SDCBP: variants seen among roughly 807,000 people sequenced by gnomAD.
SDCBP encodes syndecan binding protein, also known as syntenin-1.
Under a neutral mutation model 30.5 loss-of-function variants are expected in SDCBP, and 22 were observed. The observed-to-expected ratio is 0.72, with a 90% CI of 0.52 to 1.03. SDCBP has a LOEUF of 1.03. Among genes scored for constraint, SDCBP ranks in the 50% least tolerant of loss-of-function variants. The pLI is 0.00. For synonymous variants in SDCBP, 103 were observed against 118.7 expected, an observed-to-expected ratio of 0.87 and a Z score of 0.86; for missense variants, 304 against 369.9, an observed-to-expected ratio of 0.82 and a Z score of 1.46.
At chr8:58,557,296 AT>A (rs1804186487) in intron 1 of SDCBP, among the ~76,000 whole-genome samples, 1 of 131,994 alleles carries the variant, frequency 7.6e-6, no homozygotes, top group South Asian at 2.3e-4. Flanking sequence ...ATATTTAGAT[AT>A]TTATATTTAA....
At chr8:58,561,798 G>C in intron 1 of SDCBP, 1 of 688,744 alleles carries the variant, frequency 1.5e-6, no homozygotes, top group Non-Finnish European at 2.6e-6. Context: ...TAATGGTGGT[G>C]AGTAAATCAC....
At chr8:58,562,811 CAAG>C (rs1425814186) in intron 1 of SDCBP, among the ~76,000 whole-genome samples, 1 of 151,862 alleles carries the variant, frequency 6.6e-6, no homozygotes, top group East Asian at 1.9e-4. Context: ...CATAAGCAAC[CAAG>C]AAGAAATATA....
chr8:58,579,314 C>A (rs1216724726), intron 6 of SDCBP, among the ~76,000 whole-genome samples: 3 of 152,106 alleles, frequency 2.0e-5, no homozygotes, highest in African/African-American at 7.2e-5. Context: ...AAGCCTATGT[C>A]ATTCTTAATG....
intron 2 of SDCBP, among the ~76,000 whole-genome samples, chr8:58,566,485 A>G (rs1804712192): frequency 6.6e-6 from 1 of 152,226 alleles, no homozygotes; most frequent in Non-Finnish European, 1.5e-5. Flanking sequence ...AATCTGTATC[A>G]TGCTGCCCTC....
At position 58,579,718 on chromosome 8, in the gene SDCBP, G is replaced by T. The variant is rs113820935; in HGVS notation, c.674G>T (p.Ser225Ile). The T allele has an allele frequency of 1.2e-6, 2 of 1,612,876 alleles. No homozygotes were observed. Among genetic ancestry groups the T allele is most frequent in the Non-Finnish European group, 1.7e-6 (2 of 1,179,482 alleles). Residue 225 changes from serine to isoleucine, a missense_variant, in exon 7 of 9, where the codon AGC (serine) becomes ATC (isoleucine). Physicochemically the swap from Ser to Ile is moderately radical, Grantham distance 142. Coordinates refer to ENST00000260130, the MANE Select transcript of SDCBP (RefSeq NM_005625.4). ...AAAATAACATCCATAGTGAAAGATAGCTCTGCAGCCAGAAATGGTCTTCTC... is the reference window on the plus strand; with the variant it reads ...AAAATAACATCCATAGTGAAAGATATCTCTGCAGCCAGAAATGGTCTTCTC... ...NGKITSIVKD[S>I]SAARNGLLTE...
intron 1 of SDCBP, among the ~76,000 whole-genome samples, chr8:58,556,671 G>A (rs547016055): frequency 1.1e-4 from 16 of 151,678 alleles, no homozygotes; most frequent in Non-Finnish European, 2.1e-4. Flanking sequence ...TCCAGAGAGC[G>A]AATAAACTAG....
At chr8:58,572,587 T>C (rs984428079) in intron 4 of SDCBP, among the ~76,000 whole-genome samples, 1 of 152,142 alleles carries the variant, frequency 6.6e-6, no homozygotes, top group Non-Finnish European at 1.5e-5. Flanking sequence ...GTCCTATTGA[T>C]TCTGTTTCTG....
chr8:58,579,557 T>C (rs1805555200), intron 6 of SDCBP, 66 bp from the exon 7 acceptor site: 2 of 1,219,812 alleles, frequency 1.6e-6, no homozygotes, highest in African/African-American at 3.1e-5. Flanking sequence ...ACATTTATGC[T>C]ATATGAAATC....
At chr8:58,570,794 T>G (rs1017638051) in intron 2 of SDCBP, 93 bp from the exon 3 acceptor site, 2 of 788,974 alleles carry the variant, frequency 2.5e-6, no homozygotes, top group Non-Finnish European at 4.1e-6. Flanking sequence ...TGTTTTAGTT[T>G]CTTTTTGGAA....
At chr8:58,558,028 A>G (rs1804244281) in intron 1 of SDCBP, among the ~76,000 whole-genome samples, 1 of 152,156 alleles carries the variant, frequency 6.6e-6, no homozygotes, top group African/African-American at 2.4e-5. Context: ...GTGGTTCTTG[A>G]AAAAGGGCTG....
intron 1 of SDCBP, among the ~76,000 whole-genome samples, chr8:58,555,519 TA>T (rs1437218507): frequency 2.0e-5 from 3 of 151,878 alleles, no homozygotes; most frequent in African/African-American, 7.3e-5. Flanking sequence ...CCAGGATACT[TA>T]TTAAAAAGAA....
chr8:58,580,409 A>G (rs1805626557), intron 7 of SDCBP, 108 bp from the exon 8 acceptor site: 2 of 617,100 alleles, frequency 3.2e-6, no homozygotes, highest in African/African-American at 3.8e-5. Flanking sequence ...AGAAAAAATT[A>G]GAAATACCAA....
chr8:58,580,730 A>C, intron 8 of SDCBP, 122 bp downstream of exon 8: 1 of 626,154 alleles, frequency 1.6e-6, no homozygotes, highest in Non-Finnish European at 2.8e-6. Context: ...TTTATCTAGA[A>C]ATTTGAAGTA....
chr8:58,558,498 G>A (rs1014249604), intron 1 of SDCBP, among the ~76,000 whole-genome samples: 1 of 152,124 alleles, frequency 6.6e-6, no homozygotes, highest in African/African-American at 2.4e-5. Flanking sequence ...GCCCAAGCTG[G>A]TCGCAAACTC....
chr8:58,570,762 A>T, intron 2 of SDCBP, 125 bp from the exon 3 acceptor site: 1 of 646,344 alleles, frequency 1.5e-6, no homozygotes, highest in South Asian at 2.2e-5. Context: ...TTGAAATTAA[A>T]CTTTCTTACA....
At chr8:58,556,775 AG>A (rs1194202470) in intron 1 of SDCBP, among the ~76,000 whole-genome samples, 2 of 149,996 alleles carry the variant, frequency 1.3e-5, no homozygotes, top group Admixed American at 1.3e-4. Context: ...TATTGCCCTG[AG>A]GGGGTTGAGG....
chr8:58,557,000 C>A (rs1804157646), intron 1 of SDCBP, among the ~76,000 whole-genome samples: 1 of 133,032 alleles, frequency 7.5e-6, no homozygotes. Flanking sequence ...GTATATCATA[C>A]TATTATACTA....
chr8:58,554,111 A>G (rs948021990), intron 1 of SDCBP, among the ~76,000 whole-genome samples: 1 of 152,206 alleles, frequency 6.6e-6, no homozygotes, highest in Non-Finnish European at 1.5e-5. Flanking sequence ...CATTTTTGAA[A>G]GGAGTTTGTA....
chr8:58,576,105 C>A lies in SDCBP; in HGVS notation c.402+44C>A, dbSNP rs189568967. The A allele has an allele frequency of 1.8e-3, 2,375 of 1,322,266 alleles. 15 individuals are homozygous for A. The highest frequency in any genetic ancestry group is 1.4e-3 in the Non-Finnish European group (1,341 of 928,672). 81.9% of individuals were successfully genotyped at this position (1,322,266 alleles called of 1,614,324 possible). A position where few individuals can be genotyped will look rare whatever the true frequency, so the allele number is the denominator to read the frequency against. ...TATTTGAATTTGTCTAAATCTCTTA[C>A]ATAATAAGTGATTAATGTTAAAATA... On this transcript the variant is annotated intron_variant, in intron 5 of 8. Transcript: ENST00000260130.
Sources: gnomAD v4.1 joint callset for allele counts (sites outside exome capture counted in the v4.1 genomes callset) on GRCh38, gnomAD v4.1.1 for gene constraint, MANE v1.5 for transcripts, NCBI Gene and HGNC (gene_info 2026-07-23, HGNC 2026-07-21) for gene names.